The following MALRD1 variants were observed in gnomAD, a reference collection of about 807,000 sequenced individuals.
MALRD1 encodes the protein MAM and LDL receptor class A domain containing 1, also known as MAM and LDL-receptor class A domain-containing protein 1.
A neutral mutation model predicts 242.1 loss-of-function variants in MALRD1; 247 were observed. That is an observed-to-expected ratio of 1.02 (90% CI 0.92 to 1.13). The LOEUF is 1.13. Among genes scored for constraint, MALRD1 ranks in the 50% most tolerant of loss-of-function variants. The pLI is 0.00. For missense variants in MALRD1, 2,989 were observed against 2,533.1 expected, an observed-to-expected ratio of 1.18 and a Z score of -3.86; for synonymous variants, 995 against 866.6, an observed-to-expected ratio of 1.15 and a Z score of -2.60.
intron 18 of MALRD1, among the ~76,000 whole-genome samples, chr10:19,220,336 G>C (rs1837505272): frequency 6.6e-6 from 1 of 152,088 alleles, no homozygotes; most frequent in African/African-American, 2.4e-5. Context: ...GCTGTTGAAT[G>C]AAAATGAGAG....
intron 28 of MALRD1, among the ~76,000 whole-genome samples, chr10:19,414,532 T>A (rs1447163394): frequency 6.6e-6 from 1 of 152,236 alleles, no homozygotes; most frequent in Non-Finnish European, 1.5e-5. Context: ...CATGTAATTT[T>A]AGTGCTTGTA....
At chr10:19,237,113 T>C (rs1445400327) in intron 18 of MALRD1, among the ~76,000 whole-genome samples, 1 of 152,118 alleles carries the variant, frequency 6.6e-6, no homozygotes, top group East Asian at 1.9e-4. Flanking sequence ...AATTACCTCA[T>C]GCATTTATCA....
At chr10:19,659,768 T>G (rs1841334649) in intron 36 of MALRD1, among the ~76,000 whole-genome samples, 2 of 152,186 alleles carry the variant, frequency 1.3e-5, no homozygotes. Flanking sequence ...CTCATGCCCC[T>G]GTTGCATTTC....
At chr10:19,293,369 G>A (rs943968584) in intron 21 of MALRD1, among the ~76,000 whole-genome samples, 1 of 152,206 alleles carries the variant, frequency 6.6e-6, no homozygotes, top group Admixed American at 6.5e-5. Context: ...CATTCTGGCA[G>A]TATTGCCATA....
chr10:19,330,199 A>G (rs567953589), intron 23 of MALRD1, among the ~76,000 whole-genome samples: 1 of 151,964 alleles, frequency 6.6e-6, no homozygotes, highest in South Asian at 2.1e-4. Flanking sequence ...AGAGCAGTCT[A>G]TTCCTTTTAC....
At chr10:19,418,943 G>A (rs538548598) in intron 28 of MALRD1, among the ~76,000 whole-genome samples, 1 of 152,216 alleles carries the variant, frequency 6.6e-6, no homozygotes, top group East Asian at 1.9e-4. Context: ...CTCCTTGAAA[G>A]CTATTCTGTC....
chr10:19,632,588 G>A (rs1564501038), intron 36 of MALRD1, among the ~76,000 whole-genome samples: 2 of 152,040 alleles, frequency 1.3e-5, no homozygotes, highest in Non-Finnish European at 2.9e-5. Flanking sequence ...AAAAATTCTA[G>A]TGGTAAATGA....
Position 19,590,398 on chromosome 10 carries a change from T to A in MALRD1, c.5681-4796T>A, listed in dbSNP as rs866642281. 9.4e-5 allele frequency among the ~76,000 whole-genome samples: 14 copies of A among 148,626 alleles called. No homozygotes were observed. In the South Asian group the frequency reaches 2.7e-3, roughly 29 times the overall value. ...TACATATTTTATATATGTATATATTTTATATAACATATATAGGTGGTTAGA... is the reference window on the plus strand; with the variant it reads ...TACATATTTTATATATGTATATATTATATATAACATATATAGGTGGTTAGA... On this transcript the variant is annotated intron_variant, in intron 33 of 39. Coordinates refer to ENST00000454679, the MANE Select transcript of MALRD1 (RefSeq NM_001142308.3).
intron 28 of MALRD1, among the ~76,000 whole-genome samples, chr10:19,393,260 G>T (rs1846413960): frequency 6.6e-6 from 1 of 151,800 alleles, no homozygotes; most frequent in South Asian, 2.1e-4. Flanking sequence ...TTTATATTCA[G>T]TATTAAATTT....
chr10:19,643,204 G>T (rs921413760), intron 36 of MALRD1, among the ~76,000 whole-genome samples: 1 of 152,058 alleles, frequency 6.6e-6, no homozygotes, highest in African/African-American at 2.4e-5. Flanking sequence ...GGCGGAAGTG[G>T]GTGGATCACC....
At chr10:19,519,894 G>C (rs1396217810) in intron 31 of MALRD1, among the ~76,000 whole-genome samples, 2 of 152,028 alleles carry the variant, frequency 1.3e-5, no homozygotes, top group Non-Finnish European at 2.9e-5. Context: ...AATGAAGAGG[G>C]GTTCTTACAG....
chr10:19,212,847 G>A (rs193098755), intron 18 of MALRD1, among the ~76,000 whole-genome samples: 1 of 152,244 alleles, frequency 6.6e-6, no homozygotes, highest in African/African-American at 2.4e-5. Flanking sequence ...CATTAATTAT[G>A]TTGAGCGTAT....
chr10:19,180,533 T>C (rs1381313908), intron 14 of MALRD1, among the ~76,000 whole-genome samples: 2 of 152,198 alleles, frequency 1.3e-5, no homozygotes, highest in East Asian at 3.8e-4. Flanking sequence ...AAGAATGAAA[T>C]TGGACCTTTG....
intron 10 of MALRD1, among the ~76,000 whole-genome samples, chr10:19,138,014 T>A (rs908638072): frequency 6.6e-6 from 1 of 152,220 alleles, no homozygotes; most frequent in Non-Finnish European, 1.5e-5. Flanking sequence ...TGCCACCTTT[T>A]AAGTGAAAAG....
intron 33 of MALRD1, among the ~76,000 whole-genome samples, chr10:19,582,391 A>C (rs1564457647): frequency 6.8e-6 from 1 of 146,560 alleles, no homozygotes; most frequent in Non-Finnish European, 1.5e-5. Context: ...TCTTGAATTG[A>C]TTTTTGTATA....
chr10:19,202,940 C>T (rs2131612275), intron 14 of MALRD1, among the ~76,000 whole-genome samples: 1 of 152,222 alleles, frequency 6.6e-6, no homozygotes, highest in Non-Finnish European at 1.5e-5. Context: ...TTCTCTCAAC[C>T]TCTCTGTCTT....
chr10:19,301,366 A>T (rs986390199), intron 21 of MALRD1, among the ~76,000 whole-genome samples: 1 of 151,790 alleles, frequency 6.6e-6, no homozygotes, highest in Non-Finnish European at 1.5e-5. Context: ...TTGAGTATAT[A>T]TCCAAAGCAA....
At chr10:19,201,167 G>A (rs556751035) in intron 14 of MALRD1, among the ~76,000 whole-genome samples, 1 of 152,146 alleles carries the variant, frequency 6.6e-6, no homozygotes, top group East Asian at 1.9e-4. Flanking sequence ...GTATACATGT[G>A]TGTTGACATA....
intron 28 of MALRD1, among the ~76,000 whole-genome samples, chr10:19,409,186 A>T (rs1028238790): frequency 6.6e-6 from 1 of 152,234 alleles, no homozygotes; most frequent in Admixed American, 6.5e-5. Context: ...AACAACCTGG[A>T]TGAATCACTA....
Sources: gnomAD v4.1 joint callset for allele counts (sites outside exome capture counted in the v4.1 genomes callset) on GRCh38, gnomAD v4.1.1 for gene constraint, MANE v1.5 for transcripts, NCBI Gene and HGNC (gene_info 2026-07-23, HGNC 2026-07-21) for gene names.